The following STK32B variants were observed in gnomAD, a reference collection of about 807,000 sequenced individuals.
STK32B encodes the protein serine/threonine-protein kinase 32B.
Under a neutral mutation model 52.6 loss-of-function variants are expected in STK32B, and 43 were observed. The observed-to-expected ratio is 0.82, with a 90% CI of 0.64 to 1.05. STK32B has a LOEUF of 1.05. Among genes scored for constraint, STK32B ranks in the 50% least tolerant of loss-of-function variants. The pLI is 0.00. For missense variants in STK32B, 621 were observed against 534.6 expected, an observed-to-expected ratio of 1.16 and a Z score of -1.59; for synonymous variants, 238 against 204.3, an observed-to-expected ratio of 1.17 and a Z score of -1.41.
At position 5,467,417 on chromosome 4, in the gene STK32B, G is replaced by A. The variant is rs908392251; in HGVS notation, c.1041+583G>A. Among the ~76,000 whole-genome samples the A allele has an allele frequency of 3.3e-5, 5 of 152,052 alleles. No homozygotes were observed. Among genetic ancestry groups the A allele is most frequent in the East Asian group, 3.9e-4 (2 of 5,156 alleles). ...CTGCATGGTTCCAGTCTCTCCCTCC[G>A]TCACTGCATGGCCTTATTCTCTGTG... On this transcript the variant is annotated intron_variant, in intron 10 of 11. Transcript: ENST00000282908. This position sits in a 1 kb window ranked among gnomAD's most constrained non-coding sequence, Gnocchi z 5.8.
rs1720576058 is a variant in STK32B, at chr4:5,499,596, A to G, written c.*513A>G. ...CCTTCTATGGAAACAACGCTGCCAAATCCTGGAGCAAAACCTGAAGTGTCT... is the reference window on the plus strand; with the variant it reads ...CCTTCTATGGAAACAACGCTGCCAAGTCCTGGAGCAAAACCTGAAGTGTCT... On this transcript the variant is annotated 3_prime_UTR_variant, in exon 12 of 12. Coordinates refer to ENST00000282908, the MANE Select transcript of STK32B (RefSeq NM_018401.3). 1 of 152,390 alleles carries G rather than the reference A, an allele frequency of 6.6e-6. No individual in the cohort carries two copies. The highest frequency in any genetic ancestry group is 2.4e-5 in the African/African-American group (1 of 41,452). The allele number at this position is 152,390 out of a possible 1,614,324, so 9.4% of individuals were successfully genotyped here.
chr4:5,371,444 G>A lies in STK32B; in HGVS notation c.435-26763G>A, dbSNP rs531964652. Among the ~76,000 whole-genome samples, 4 of 152,272 alleles carry A rather than the reference G, an allele frequency of 2.6e-5. 1 individual carries two copies. Among genetic ancestry groups the A allele is most frequent in the Admixed American group, 1.3e-4 (2 of 15,298 alleles). On this transcript the variant is annotated intron_variant, in intron 4 of 11. Transcript: ENST00000282908. The stretch of plus-strand genomic sequence containing the variant: ...ATTTAGCAAACCAAAGATGGGTCTC[G>A]AGGATGAGGCCTAGGAGAAAAGCAG...
chr4:5,263,247 T>G (rs1402404590), intron 3 of STK32B, among the ~76,000 whole-genome samples: 1 of 152,194 alleles, frequency 6.6e-6, no homozygotes, highest in African/African-American at 2.4e-5. Context: ...ATAATTCTTA[T>G]GTATCATCCG....
intron 4 of STK32B, among the ~76,000 whole-genome samples, chr4:5,367,943 G>A (rs1156882392): frequency 6.6e-6 from 1 of 152,136 alleles, no homozygotes; most frequent in Non-Finnish European, 1.5e-5. Context: ...CCTGAGGTGG[G>A]GAGGGGGCTT....
intron 3 of STK32B, among the ~76,000 whole-genome samples, chr4:5,323,587 G>T (rs965416592): frequency 5.9e-5 from 9 of 152,164 alleles, no homozygotes; most frequent in African/African-American, 2.2e-4. Context: ...GCAGGGCCTA[G>T]CACCCTTCCT....
chr4:5,275,159 C>G (rs1727729967), intron 3 of STK32B, among the ~76,000 whole-genome samples: 3 of 152,276 alleles, frequency 2.0e-5, no homozygotes, highest in South Asian at 4.1e-4. Context: ...AAGTGGCCTG[C>G]CACCATCTTG....
chr4:5,217,253 T>C (rs1472879666), intron 3 of STK32B, among the ~76,000 whole-genome samples: 1 of 152,190 alleles, frequency 6.6e-6, no homozygotes, highest in African/African-American at 2.4e-5. Context: ...AGGATTATGA[T>C]TGACTGATGT....
intron 6 of STK32B, among the ~76,000 whole-genome samples, chr4:5,430,354 A>G (rs1713469860): frequency 1.3e-5 from 2 of 152,234 alleles, no homozygotes; most frequent in Admixed American, 6.5e-5. Context: ...TGATAAACCT[A>G]TTGGAAGCAT....
At chr4:5,218,900 C>T (rs1271823915) in intron 3 of STK32B, among the ~76,000 whole-genome samples, 1 of 152,200 alleles carries the variant, frequency 6.6e-6, no homozygotes, top group East Asian at 1.9e-4. Flanking sequence ...CTTTGACTGC[C>T]AGGCCCCTAC....
intron 1 of STK32B, among the ~76,000 whole-genome samples, chr4:5,107,299 C>A (rs372418379): frequency 6.6e-6 from 1 of 152,014 alleles, no homozygotes; most frequent in African/African-American, 2.4e-5. Flanking sequence ...TCCCACTGAT[C>A]ATTATGGTGA....
rs187375550 is a variant in STK32B at position 5,405,746 on chromosome 4, A to G, written c.472+7502A>G. 7.9e-5 allele frequency among the ~76,000 whole-genome samples: 12 copies of G among 152,252 alleles called. No homozygotes were observed. In the South Asian group the frequency reaches 2.5e-3, roughly 32 times the overall value. ...TTGTGATAACTAATTCATTATTATGAGAACAGCAAAAGAGAAATCCACCCT... is the reference window on the plus strand; with the variant it reads ...TTGTGATAACTAATTCATTATTATGGGAACAGCAAAAGAGAAATCCACCCT... On this transcript the variant is annotated intron_variant, in intron 5 of 11. Transcript: ENST00000282908.
chr4:5,438,292 G>C (rs1463469159), intron 6 of STK32B, among the ~76,000 whole-genome samples: 1 of 152,162 alleles, frequency 6.6e-6, no homozygotes, highest in Non-Finnish European at 1.5e-5. Flanking sequence ...GATCCAGGTG[G>C]GATTCGGAAT....
rs1282266652 is a variant in STK32B, at chr4:5,481,639, T to A, written c.1106+13569T>A. 2.6e-5 allele frequency among the ~76,000 whole-genome samples: 4 copies of A among 152,210 alleles called. No homozygotes were observed. In the East Asian group the frequency reaches 7.7e-4, roughly 29 times the overall value. On this transcript the variant is annotated intron_variant, in intron 11 of 11. Coordinates refer to ENST00000282908, the MANE Select transcript of STK32B (RefSeq NM_018401.3). Reference sequence around the variant, plus strand: ...TTTTGTTGCCATTGCTTTTGGTGTTTTAGACATGAAGTCCTTGCCCATGCC... The same window carrying A: ...TTTTGTTGCCATTGCTTTTGGTGTTATAGACATGAAGTCCTTGCCCATGCC...
upstream of STK32B, among the ~76,000 whole-genome samples, chr4:5,048,614 G>T (rs1433322527): frequency 6.6e-6 from 1 of 152,176 alleles, no homozygotes; most frequent in Non-Finnish European, 1.5e-5. Flanking sequence ...TGTATTTTTA[G>T]TAGAGACAGG....
intron 3 of STK32B, among the ~76,000 whole-genome samples, chr4:5,222,118 A>G (rs1351058304): frequency 1.3e-5 from 2 of 152,154 alleles, no homozygotes; most frequent in African/African-American, 2.4e-5. Context: ...GAACCTGCCA[A>G]TGCCTTGGTC....
At chr4:5,484,494 G>T (rs528741027) in intron 11 of STK32B, among the ~76,000 whole-genome samples, 1 of 152,128 alleles carries the variant, frequency 6.6e-6, no homozygotes, top group Admixed American at 6.5e-5. Flanking sequence ...CTGCACGTGA[G>T]ATGGGTTTCC....
At chr4:5,487,349 A>G (rs1223371044) in intron 11 of STK32B, among the ~76,000 whole-genome samples, 1 of 152,210 alleles carries the variant, frequency 6.6e-6, no homozygotes, top group Middle Eastern at 3.2e-3. Flanking sequence ...CTGTTAGGAG[A>G]CTTGGCATCA....
intron 6 of STK32B, chr4:5,436,729 A>C: frequency 1.0e-6 from 1 of 960,752 alleles, no homozygotes; most frequent in Admixed American, 6.2e-5. Flanking sequence ...AGTCATGGGA[A>C]TTCCCTGAAC....
At chr4:5,370,032 G>A (rs371251353) in intron 4 of STK32B, among the ~76,000 whole-genome samples, 4 of 151,870 alleles carry the variant, frequency 2.6e-5, no homozygotes, top group South Asian at 2.1e-4. Context: ...CCACCATCAC[G>A]CCCGGCTAAT....
Sources: allele counts gnomAD v4.1 joint callset (sites outside exome capture counted in the v4.1 genomes callset), GRCh38; gene constraint gnomAD v4.1.1; non-coding constraint Gnocchi (gnomAD v3.1); transcripts MANE v1.5; gene names NCBI Gene and HGNC (gene_info 2026-07-23, HGNC 2026-07-21).